The following CNNM1 variants were observed in gnomAD, a reference collection of about 807,000 sequenced individuals.
CNNM1 encodes the protein metal transporter CNNM1.
A neutral mutation model predicts 78.8 loss-of-function variants in CNNM1; 44 were observed. The observed-to-expected ratio is 0.56, with a 90% confidence interval of 0.44 to 0.72. CNNM1 has a LOEUF of 0.72. CNNM1 is among the 30% of genes least tolerant of loss of function. CNNM1 has a pLI of 0.00. For synonymous variants in CNNM1, 584 were observed against 581.5 expected (o/e 1.00, Z -0.06); for missense variants, 1,101 against 1,292.2 (o/e 0.85, Z 2.27).
rs1268650797 is a variant in CNNM1, at chr10:99,391,927, T to G, written c.*411T>G. ...TTTCCTCCAGAACAAAATGTTAACT[T>G]TCTAACACATTTCATGCATAGCTTG... On this transcript the variant is annotated 3_prime_UTR_variant, in exon 11 of 11. Transcript: ENST00000356713. 5.9e-6 allele frequency: 1 copy of G among 169,090 alleles called. No individual in the cohort carries two copies. Among genetic ancestry groups the G allele is most frequent in the Admixed American group, 5.7e-5 (1 of 17,660 alleles). The allele number at this position is 169,090 out of a possible 1,614,324, so 10.5% of individuals were successfully genotyped here. A position where few individuals can be genotyped will look rare whatever the true frequency, so the allele number is the denominator to read the frequency against.
intron 4 of CNNM1, 75 bp downstream of exon 4, chr10:99,362,471 GTC>G: frequency 1.4e-6 from 2 of 1,462,410 alleles, no homozygotes; most frequent in South Asian, 2.7e-5. Context: ...CCATGCCTCC[GTC>G]AGCACCAAGT....
intron 6 of CNNM1, among the ~76,000 whole-genome samples, chr10:99,375,655 G>A (rs2031940517): frequency 6.6e-6 from 1 of 152,302 alleles, no homozygotes; most frequent in Admixed American, 6.5e-5. Flanking sequence ...AACCTTCCAT[G>A]ACTCATTCTA....
intron 4 of CNNM1, among the ~76,000 whole-genome samples, chr10:99,362,707 A>T (rs1412087603): frequency 6.6e-6 from 1 of 151,862 alleles, no homozygotes; most frequent in East Asian, 1.9e-4. Context: ...AAGCTATAAT[A>T]CCTCCTCATC....
chr10:99,356,604 GA>G (rs67360569), intron 1 of CNNM1, among the ~76,000 whole-genome samples: 71 of 64,690 alleles, frequency 1.1e-3, no homozygotes, highest in Middle Eastern at 7.8e-3. Flanking sequence ...AAGAAAGAAA[GA>G]AAAGAAAGAA....
At position 99,393,530 on chromosome 10, in the gene CNNM1, AAC is replaced by A. The variant is rs2032534937; in HGVS notation, c.*2017_*2018del. On this transcript the variant is annotated 3_prime_UTR_variant, in exon 11 of 11. Transcript: ENST00000356713. The stretch of plus-strand genomic sequence containing the variant: ...TAAAACAAACAGACAAACAAAAAAA[AAC>A]ACTACTATTTTAAATAGTGGAACTT... The A allele has an allele frequency of 6.6e-6, 1 of 152,652 alleles. No homozygotes were observed. The highest frequency in any genetic ancestry group is 1.5e-5 in the Non-Finnish European group (1 of 68,058). 9.5% of individuals were successfully genotyped at this position (152,652 alleles called of 1,614,324 possible).
chr10:99,387,670 C>T (rs951514686), intron 7 of CNNM1, 150 bp from the exon 8 acceptor site: 12 of 688,560 alleles, frequency 1.7e-5, no homozygotes, highest in East Asian at 1.2e-4. Context: ...ACTGCTACAG[C>T]GTGGGTAAGG....
chr10:99,352,934 GT>G (rs1160111972), intron 1 of CNNM1, among the ~76,000 whole-genome samples: 2 of 151,046 alleles, frequency 1.3e-5, no homozygotes, highest in Non-Finnish European at 3.0e-5. Context: ...TTTCTCCTAT[GT>G]TTTTTTCTAA....
At position 99,330,834 on chromosome 10, in the gene CNNM1, G is replaced by T; in HGVS notation, c.1447G>T (p.Asp483Tyr). ...CATTGTGGACATTTTATTTGTCAAG[G>T]ACTTGGCCTTCGTGGACCCCGACGA... Reference protein sequence around the residue: ...HNIVDILFVKDLAFVDPDDCT... With the variant: ...HNIVDILFVKYLAFVDPDDCT... The change falls in exon 1 of 11, where the codon GAC becomes TAC. Residue 483 changes from aspartate to tyrosine, a missense_variant. This residue lies in a region of CNNM1 where 277 missense variants were observed against 423.2 expected (regional missense o/e 0.65). Coordinates refer to ENST00000356713, the MANE Select transcript of CNNM1 (RefSeq NM_020348.3). 6.2e-7 allele frequency: 1 copy of T among 1,614,168 alleles called. No homozygotes were observed. The highest frequency in any genetic ancestry group is 8.5e-7 in the Non-Finnish European group (1 of 1,180,032).
intron 4 of CNNM1, among the ~76,000 whole-genome samples, 170 bp from the exon 5 acceptor site, chr10:99,364,247 T>C (rs2031534784): frequency 6.6e-6 from 1 of 152,226 alleles, no homozygotes. Flanking sequence ...CTATTAAAGC[T>C]GGTGGTGCTT....
intron 7 of CNNM1, among the ~76,000 whole-genome samples, chr10:99,382,328 T>A (rs1035557421): frequency 1.3e-5 from 2 of 152,240 alleles, no homozygotes; most frequent in African/African-American, 4.8e-5. Context: ...ATGTGTTCTG[T>A]GTCATCATTA....
At chr10:99,375,361 T>G (rs1183548885) in intron 6 of CNNM1, among the ~76,000 whole-genome samples, 1 of 152,072 alleles carries the variant, frequency 6.6e-6, no homozygotes, top group African/African-American at 2.4e-5. Flanking sequence ...GAGACAGAGA[T>G]AGGACCGATG....
chr10:99,388,307 G>A lies in CNNM1; in HGVS notation c.2674+6G>A, dbSNP rs753882342. On this transcript the variant is annotated splice_donor_region_variant and intron_variant, in intron 9 of 10. Coordinates refer to ENST00000356713, the MANE Select transcript of CNNM1 (RefSeq NM_020348.3). Reference sequence around the variant, plus strand: ...AGCCGTTCCCACGAGAGCAGGTCAGGGAGGCCAGCTGGGCCCAGTGCAGCA... The same window carrying A: ...AGCCGTTCCCACGAGAGCAGGTCAGAGAGGCCAGCTGGGCCCAGTGCAGCA... The A allele has an allele frequency of 1.2e-6, 2 of 1,612,652 alleles. No individual in the cohort carries two copies. The highest frequency in any genetic ancestry group is 2.2e-5 in the East Asian group (1 of 44,860).
chr10:99,332,101 G>T (rs1289549366), intron 1 of CNNM1, among the ~76,000 whole-genome samples: 1 of 152,084 alleles, frequency 6.6e-6, no homozygotes, highest in Admixed American at 6.5e-5. Flanking sequence ...ACCAGATTTG[G>T]CCCAGAACCC....
At position 99,356,840 on chromosome 10, in the gene CNNM1, AG is replaced by A. The variant is rs1220203082; in HGVS notation, c.1574-669del. On this transcript the variant is annotated intron_variant, in intron 1 of 10. Transcript: ENST00000356713. The stretch of plus-strand genomic sequence containing the variant: ...GTGGCCTCTCCACTATGGTGGCCTC[AG>A]GGTAGTAGTCAGACTTCTTACAATG... Among the ~76,000 whole-genome samples the A allele has an allele frequency of 5.3e-5, 8 of 152,320 alleles. No individual in the cohort carries two copies. The South Asian group carries it at 8.3e-4, about 16-fold the overall frequency.
At chr10:99,332,554 G>A (rs2029967913) in intron 1 of CNNM1, among the ~76,000 whole-genome samples, 1 of 149,118 alleles carries the variant, frequency 6.7e-6, no homozygotes, top group Non-Finnish European at 1.5e-5. Context: ...GGGAAGGAGG[G>A]AGGGAGGGAG....
Position 99,394,147 on chromosome 10 carries a change from C to G in CNNM1, c.*2631C>G, listed in dbSNP as rs2032553089. ...CTCAAGCCACTGCTGTTGCATTACA[C>G]CCATCCCTTTGCAAAATCCCTATGG... On this transcript the variant is annotated 3_prime_UTR_variant, in exon 11 of 11. Transcript: ENST00000356713. 1 of 152,556 alleles carries G rather than the reference C, an allele frequency of 6.6e-6. No individual in the cohort carries two copies. Among genetic ancestry groups the G allele is most frequent in the Non-Finnish European group, 1.5e-5 (1 of 68,028 alleles). The allele number at this position is 152,556 out of a possible 1,614,324, so 9.5% of individuals were successfully genotyped here.
chr10:99,389,167 G>A (rs2032394806), intron 9 of CNNM1, among the ~76,000 whole-genome samples: 1 of 152,132 alleles, frequency 6.6e-6, no homozygotes, highest in African/African-American at 2.4e-5. Context: ...TGTAATCCCA[G>A]CACTTTGGGA....
rs375606913 is a variant in CNNM1 at position 99,391,360 on chromosome 10, AAAG to A, written c.2777-74_2777-72del. ...GTCTCCATTTCTGCTTCTGTTTTGA[AAAG>A]AACTCAGACTGCCAAGCAATTATGA... is the stretch of plus-strand genomic sequence containing the variant. On this transcript the variant is annotated intron_variant, in intron 10 of 10. Transcript: ENST00000356713. 46 of 1,150,218 alleles carry A rather than the reference AAAG, an allele frequency of 4.0e-5. No homozygotes were observed. In the East Asian group the frequency reaches 8.3e-4, roughly 21 times the overall value. The allele number at this position is 1,150,218 out of a possible 1,614,324, so 71.3% of individuals were successfully genotyped here.
At chr10:99,372,154 A>G (rs910073318) in intron 6 of CNNM1, among the ~76,000 whole-genome samples, 5 of 152,120 alleles carry the variant, frequency 3.3e-5, no homozygotes, top group Non-Finnish European at 5.9e-5. Context: ...ATTACTACAG[A>G]AGGAGAGGAG....
Sources: allele counts gnomAD v4.1 joint callset (sites outside exome capture counted in the v4.1 genomes callset), GRCh38; gene constraint gnomAD v4.1.1; regional missense constraint gnomAD v4.1.1; transcripts MANE v1.5; gene names NCBI Gene and HGNC (gene_info 2026-07-23, HGNC 2026-07-21).